Variants in C4orf50 observed in about 807,000 individuals in gnomAD.
C4orf50 encodes chromosome 4 open reading frame 50.
C4orf50 carries 80 observed loss-of-function variants against 77.2 expected under a neutral mutation model. That is an observed-to-expected ratio of 1.04 (90% CI 0.87 to 1.25). The LOEUF is 1.25. Ranked by LOEUF, C4orf50 falls within the 50% of genes most tolerant of loss-of-function variation. The probability of loss-of-function intolerance (pLI) is 0.00; values close to 1 mark genes in which losing one functional copy is unlikely to be tolerated. For missense variants in C4orf50, 1,257 were observed against 1,152.9 expected (o/e 1.09, Z -1.31); for synonymous variants, 532 against 465.3 (o/e 1.14, Z -1.84).
chr4:5,998,840 C>G (rs1442940505), intron 25 of C4orf50, among the ~76,000 whole-genome samples: 1 of 152,256 alleles, frequency 6.6e-6, no homozygotes. Context: ...GGAAAGCATT[C>G]AGACCCATCT....
intron 25 of C4orf50, among the ~76,000 whole-genome samples, chr4:5,997,819 AT>A (rs1352729322): frequency 6.6e-6 from 1 of 152,258 alleles, no homozygotes; most frequent in East Asian, 1.9e-4. Context: ...TTTGCATTTA[AT>A]GATATAGAAG....
intron 7 of C4orf50, among the ~76,000 whole-genome samples, chr4:5,936,038 T>A (rs955127357): frequency 6.6e-6 from 1 of 152,004 alleles, no homozygotes; most frequent in African/African-American, 2.4e-5. Context: ...TCTATATGGA[T>A]TTATTTAACC....
downstream of C4orf50, among the ~76,000 whole-genome samples, chr4:5,954,871 C>T (rs1718883263): frequency 1.3e-5 from 2 of 152,098 alleles, no homozygotes; most frequent in Admixed American, 6.5e-5. The surrounding 1 kb of genome is among the most constrained non-coding windows in gnomAD (Gnocchi z 4.7). Flanking sequence ...TGGGAGAGAC[C>T]TGAGAGAAGA....
chr4:5,930,760 G>T (rs960155589), intron 7 of C4orf50, among the ~76,000 whole-genome samples: 1 of 152,322 alleles, frequency 6.6e-6, no homozygotes. Context: ...CTCAACTCCA[G>T]TGTGCGTCTC....
intron 7 of C4orf50, among the ~76,000 whole-genome samples, chr4:5,945,833 G>A (rs941872249): frequency 8.5e-5 from 13 of 152,196 alleles, no homozygotes; most frequent in African/African-American, 3.1e-4. Flanking sequence ...ACACTCGGCT[G>A]CCCTGCTGGC....
intron 27 of C4orf50, among the ~76,000 whole-genome samples, chr4:5,991,657 G>C (rs1047493847): frequency 1.3e-5 from 2 of 152,140 alleles, no homozygotes; most frequent in East Asian, 1.9e-4. Context: ...GACCTGGCAG[G>C]CTGCAGGCAG....
intron 7 of C4orf50, among the ~76,000 whole-genome samples, chr4:5,915,486 T>A (rs142456970): frequency 1.4e-4 from 21 of 152,304 alleles, no homozygotes; most frequent in African/African-American, 4.8e-4. Context: ...TGGGACACAT[T>A]TGTGGGCATC....
chr4:5,912,106 C>G (rs376786762), intron 7 of C4orf50, among the ~76,000 whole-genome samples: 1 of 151,158 alleles, frequency 6.6e-6, no homozygotes, highest in Non-Finnish European at 1.5e-5. Context: ...AACAAAAATA[C>G]CAGACCTGAT....
At chr4:5,944,865 G>A (rs1718416081) in intron 7 of C4orf50, among the ~76,000 whole-genome samples, 1 of 152,076 alleles carries the variant, frequency 6.6e-6, no homozygotes, top group East Asian at 1.9e-4. Flanking sequence ...GAGAGGAGAG[G>A]ACTAACACTT....
chr4:5,955,443 G>T (rs1392952286), downstream of C4orf50, among the ~76,000 whole-genome samples: 1 of 152,134 alleles, frequency 6.6e-6, no homozygotes, highest in Non-Finnish European at 1.5e-5. The surrounding 1 kb of genome is among the most constrained non-coding windows in gnomAD (Gnocchi z 5.1). Flanking sequence ...GCCACCGCCG[G>T]GCACTGGCCA....
intron 7 of C4orf50, among the ~76,000 whole-genome samples, chr4:5,933,163 C>A (rs1256171938): frequency 6.6e-6 from 1 of 152,182 alleles, no homozygotes; most frequent in Non-Finnish European, 1.5e-5. Context: ...CATATCTTAG[C>A]TGCCCTCGTC....
Position 6,017,594 on chromosome 4 carries a change from T to C in C4orf50, c.287+551A>G, listed in dbSNP as rs1441362428. 6.6e-6 allele frequency among the ~76,000 whole-genome samples: 1 copy of C among 152,198 alleles called. No homozygotes were observed. Among genetic ancestry groups the C allele is most frequent in the Non-Finnish European group, 1.5e-5 (1 of 68,028 alleles). ...AGGCTGTGATGCCTGTAGCCACCTA[T>C]GCAAGCCTTCCAGAGCACACATGCT... is the stretch of plus-strand genomic sequence containing the variant. On this transcript the variant is annotated intron_variant, in intron 23 of 33. Coordinates refer to ENST00000531445, the Ensembl canonical transcript of C4orf50. This position sits in a 1 kb window ranked among gnomAD's most constrained non-coding sequence, Gnocchi z 4.7.
In C4orf50 at chr4:5,932,744, C is replaced by T. The variant is rs1717822783; in HGVS notation, c.*2474+24157G>A. On this transcript the variant is annotated intron_variant, in intron 7 of 7. Transcript: ENST00000324058. This position sits in a 1 kb window ranked among gnomAD's most constrained non-coding sequence, Gnocchi z 4.2. ...GGTGTGAGTCACTGCACCCACATTA[C>T]AGTATTAAAAAAGCAAGAGAGCTGG... Among the ~76,000 whole-genome samples, 1 of 152,144 alleles carries T rather than the reference C, an allele frequency of 6.6e-6. No homozygotes were observed. The highest frequency in any genetic ancestry group is 6.5e-5 in the Admixed American group (1 of 15,276).
chr4:5,973,648 T>TG lies in C4orf50; in HGVS notation c.4104+10dup. 6.2e-7 allele frequency: 1 copy of TG among 1,605,140 alleles called. No homozygotes were observed. Among genetic ancestry groups the TG allele is most frequent in the Non-Finnish European group, 8.5e-7 (1 of 1,173,954 alleles). On this transcript the variant is annotated intron_variant, in intron 31 of 33. Coordinates refer to ENST00000531445, the Ensembl canonical transcript of C4orf50. Reference sequence around the variant, plus strand: ...TAGGAAGCACAGACAGGGCCATCTCTGGGACTCTACCTCTGGGACTCCCGG... The same window carrying TG: ...TAGGAAGCACAGACAGGGCCATCTCTGGGGACTCTACCTCTGGGACTCCCGG...
At chr4:5,921,000 A>C (rs1006954774) in intron 7 of C4orf50, among the ~76,000 whole-genome samples, 2 of 152,194 alleles carry the variant, frequency 1.3e-5, no homozygotes, top group Non-Finnish European at 2.9e-5. Context: ...CTCATGCTGA[A>C]GAACTCTGAC....
chr4:6,012,600 T>C (rs1255267087), intron 23 of C4orf50, among the ~76,000 whole-genome samples: 1 of 152,196 alleles, frequency 6.6e-6, no homozygotes, highest in Non-Finnish European at 1.5e-5. Flanking sequence ...CTTAACTGTC[T>C]ATTAGGAATG....
At chr4:5,982,520 C>A (rs1051644060) in intron 28 of C4orf50, among the ~76,000 whole-genome samples, 1 of 152,132 alleles carries the variant, frequency 6.6e-6, no homozygotes, top group Non-Finnish European at 1.5e-5. Context: ...AAAGGGAAGC[C>A]AGGAGGCTGT....
chr4:5,989,416 C>A, exon 28 of C4orf50: 1 of 1,536,100 alleles, frequency 6.5e-7, no homozygotes, highest in Middle Eastern at 1.7e-4. Context: ...CGGCTTATCA[C>A]CTTCACCACT....
intron 28 of C4orf50, 99 bp downstream of exon 6, chr4:5,988,248 C>CCCCA: frequency 4.8e-6 from 7 of 1,461,668 alleles, no homozygotes; most frequent in Non-Finnish European, 6.5e-6. Flanking sequence ...GATGATTGTA[C>CCCCA]CTCCCTCACA....
Sources: gnomAD v4.1 joint callset for allele counts (sites outside exome capture counted in the v4.1 genomes callset) on GRCh38, gnomAD v4.1.1 for gene constraint, Gnocchi (gnomAD v3.1) non-coding constraint, MANE v1.5 for transcripts, NCBI Gene and HGNC (gene_info 2026-07-23, HGNC 2026-07-21) for gene names.